Variants in HS6ST3 observed in about 807,000 individuals in gnomAD.
The protein encoded by HS6ST3 is heparan-sulfate 6-O-sulfotransferase 3.
A neutral mutation model predicts 36.7 loss-of-function variants in HS6ST3; 12 were observed. That is an observed-to-expected ratio of 0.33 (90% CI 0.21 to 0.53). The LOEUF (loss-of-function observed/expected upper bound fraction) is 0.53. Ranked by LOEUF, HS6ST3 falls within the 20% of genes least tolerant of loss-of-function variation. The pLI, the probability that HS6ST3 is intolerant of heterozygous loss-of-function variation, is 0.95. For synonymous variants in HS6ST3, 240 were observed against 257.5 expected, an observed-to-expected ratio of 0.93 and a Z score of 0.65; for missense variants, 584 against 640.9, an observed-to-expected ratio of 0.91 and a Z score of 0.96.
intron 1 of HS6ST3, among the ~76,000 whole-genome samples, chr13:96,367,928 G>A (rs1043461127): frequency 6.6e-6 from 1 of 152,108 alleles, no homozygotes; most frequent in Non-Finnish European, 1.5e-5. Context: ...AGTTTCTTTT[G>A]ATAGCTCAAT....
intron 1 of HS6ST3, among the ~76,000 whole-genome samples, chr13:96,724,817 A>C (rs910260560): frequency 2.2e-4 from 33 of 152,328 alleles, no homozygotes; most frequent in African/African-American, 7.9e-4. Flanking sequence ...TTATAAATAA[A>C]GTGGCTAAGA....
At chr13:96,789,920 A>G (rs1877741751) in intron 1 of HS6ST3, among the ~76,000 whole-genome samples, 1 of 151,594 alleles carries the variant, frequency 6.6e-6, no homozygotes, top group Non-Finnish European at 1.5e-5. Flanking sequence ...CTTGCTTGGG[A>G]TTTATGAGCT....
At chr13:96,675,893 T>G (rs2138434301) in intron 1 of HS6ST3, among the ~76,000 whole-genome samples, 1 of 152,244 alleles carries the variant, frequency 6.6e-6, no homozygotes, top group African/African-American at 2.4e-5. Flanking sequence ...ACCAGTAGGA[T>G]TCCTGGAGTG....
intron 1 of HS6ST3, among the ~76,000 whole-genome samples, chr13:96,514,620 A>G (rs1349135366): frequency 6.6e-6 from 1 of 152,146 alleles, no homozygotes; most frequent in Non-Finnish European, 1.5e-5. Context: ...ACGCCAAGAG[A>G]AGAAAGGAGG....
intron 1 of HS6ST3, among the ~76,000 whole-genome samples, chr13:96,246,143 A>G (rs889101714): frequency 3.3e-5 from 5 of 152,128 alleles, no homozygotes; most frequent in Non-Finnish European, 7.4e-5. Flanking sequence ...GTGACCTATT[A>G]GTTTCTCTCT....
intron 1 of HS6ST3, among the ~76,000 whole-genome samples, chr13:96,446,149 G>C (rs1221512921): frequency 6.6e-6 from 1 of 151,288 alleles, no homozygotes; most frequent in Non-Finnish European, 1.5e-5. Flanking sequence ...CTCCAGCCTG[G>C]GCGACAGAGC....
intron 1 of HS6ST3, among the ~76,000 whole-genome samples, chr13:96,163,323 G>A (rs915695658): frequency 6.8e-6 from 1 of 146,922 alleles, no homozygotes; most frequent in African/African-American, 2.5e-5. Flanking sequence ...TCCGCCCCCC[G>A]GGTTCACGAC....
At chr13:96,237,417 G>A (rs1254134801) in intron 1 of HS6ST3, among the ~76,000 whole-genome samples, 2 of 151,404 alleles carry the variant, frequency 1.3e-5, no homozygotes, top group Non-Finnish European at 2.9e-5. Context: ...TCCTATCAAA[G>A]CCAGTTCTTT....
At chr13:96,456,112 T>A (rs2055753407) in intron 1 of HS6ST3, among the ~76,000 whole-genome samples, 1 of 152,218 alleles carries the variant, frequency 6.6e-6, no homozygotes, top group African/African-American at 2.4e-5. Context: ...CCAGGTAAAC[T>A]TTTAGAAGGA....
chr13:96,241,629 CT>C (rs200980868), intron 1 of HS6ST3, among the ~76,000 whole-genome samples: 3,125 of 139,772 alleles, frequency 0.022, 69 homozygotes, highest in African/African-American at 0.064. Context: ...AATTTACCAA[CT>C]TTTTTTTTTT....
chr13:96,366,463 A>G (rs2055263402), intron 1 of HS6ST3, among the ~76,000 whole-genome samples: 1 of 151,932 alleles, frequency 6.6e-6, no homozygotes, highest in Admixed American at 6.6e-5. Context: ...AAATAAATAA[A>G]TAAATAAATA....
intron 1 of HS6ST3, among the ~76,000 whole-genome samples, chr13:96,685,354 G>A (rs1277227185): frequency 9.9e-5 from 15 of 152,012 alleles, no homozygotes; most frequent in African/African-American, 1.9e-4. Context: ...GATGTGGAAG[G>A]AGTACTAACT....
intron 1 of HS6ST3, among the ~76,000 whole-genome samples, chr13:96,224,987 C>T (rs9525158): frequency 0.5 from 75,266 of 152,036 alleles, 18,790 homozygotes; most frequent in Admixed American, 0.58. Context: ...GGTAATTGAA[C>T]TATTCTGAAG....
At chr13:96,318,535 A>AAAAACAAAACAAAAC (rs3084992) in intron 1 of HS6ST3, among the ~76,000 whole-genome samples, 229 of 150,540 alleles carry the variant, frequency 1.5e-3, no homozygotes, top group South Asian at 3.6e-3. Context: ...TCCTTCTCAA[A>AAAAACAAAACAAAAC]AAAACAAAAC....
intron 1 of HS6ST3, among the ~76,000 whole-genome samples, chr13:96,204,131 T>C (rs1331073201): frequency 6.6e-6 from 1 of 152,156 alleles, no homozygotes; most frequent in East Asian, 1.9e-4. Flanking sequence ...CAGATTAATA[T>C]GTGTCATAAA....
intron 1 of HS6ST3, among the ~76,000 whole-genome samples, chr13:96,466,767 G>A (rs1382905759): frequency 4.6e-5 from 2 of 43,170 alleles, no homozygotes; most frequent in Admixed American, 1.6e-4. Flanking sequence ...TTAAATATAT[G>A]CAATTCTATG....
At chr13:96,143,348 A>G (rs1268814456) in intron 1 of HS6ST3, among the ~76,000 whole-genome samples, 2 of 150,972 alleles carry the variant, frequency 1.3e-5, no homozygotes, top group Non-Finnish European at 3.0e-5. Context: ...TATCTGATAT[A>G]TATTCTTGAA....
chr13:96,488,508 G>A (rs553905381), intron 1 of HS6ST3, among the ~76,000 whole-genome samples: 1 of 151,898 alleles, frequency 6.6e-6, no homozygotes, highest in Non-Finnish European at 1.5e-5. Flanking sequence ...ATCATTCTCT[G>A]TTGGCTTATG....
At chr13:96,621,133 G>A (rs1463763819) in intron 1 of HS6ST3, among the ~76,000 whole-genome samples, 3 of 152,158 alleles carry the variant, frequency 2.0e-5, no homozygotes, top group South Asian at 2.1e-4. Context: ...GAGCAAGGGG[G>A]CTCTTTTCTT....
Sources: allele counts gnomAD v4.1 joint callset (sites outside exome capture counted in the v4.1 genomes callset), GRCh38; gene constraint gnomAD v4.1.1; transcripts MANE v1.5; gene names NCBI Gene and HGNC (gene_info 2026-07-23, HGNC 2026-07-21).